ZNF519: variants seen among roughly 807,000 people sequenced by gnomAD.
ZNF519 encodes the protein zinc finger protein 519.
Under a neutral mutation model 7.4 loss-of-function variants are expected in ZNF519, and 7 were observed. That is an observed-to-expected ratio of 0.94 (90% CI 0.54 to 1.77). ZNF519 has a LOEUF of 1.77. Ranked by LOEUF, ZNF519 falls within the 40% of genes most tolerant of loss-of-function variation. The pLI is 0.00. For synonymous variants in ZNF519, 179 were observed against 203.3 expected, an observed-to-expected ratio of 0.88 and a Z score of 1.02; for missense variants, 586 against 623.1, an observed-to-expected ratio of 0.94 and a Z score of 0.63.
intron 3 of ZNF519, among the ~76,000 whole-genome samples, chr18:14,079,067 C>T (rs376022778): frequency 6.6e-6 from 1 of 152,116 alleles, no homozygotes; most frequent in African/African-American, 2.4e-5. Context: ...GGGTTGCCTC[C>T]GACACAGTTG....
At position 14,105,411 on chromosome 18, in the gene ZNF519, T is replaced by C; in HGVS notation, c.1129A>G (p.Arg377Gly). ...QRIHTGEKPFRCKECGKAFNR... is the reference protein window; with the variant it reads ...QRIHTGEKPFGCKECGKAFNR... The stretch of plus-strand genomic sequence containing the variant: ...AAGGCTTTGCCACATTCCTTACATC[T>C]GAAAGGTTTCTCTCCGGTATGGATT... Residue 377 changes from arginine to glycine, a missense_variant, in exon 3 of 3, where the codon AGA becomes GGA. Transcript: ENST00000590202. The C allele has an allele frequency of 6.2e-7, 1 of 1,614,034 alleles. No individual in the cohort carries two copies. The highest frequency in any genetic ancestry group is 8.5e-7 in the Non-Finnish European group (1 of 1,180,000).
intron 2 of ZNF519, among the ~76,000 whole-genome samples, chr18:14,111,670 T>C (rs761723097): frequency 3.1e-4 from 47 of 152,172 alleles, no homozygotes; most frequent in Non-Finnish European, 5.1e-4. Flanking sequence ...ATGCCATAAA[T>C]TGGAAAATCT....
At chr18:14,078,311 A>C (rs1259589267) in intron 3 of ZNF519, 1 of 152,202 alleles carries the variant, frequency 6.6e-6, no homozygotes, top group Non-Finnish European at 1.5e-5. Flanking sequence ...GATACAAAAA[A>C]TTAATAGGGG....
At chr18:14,078,969 G>A (rs1404984557) in intron 3 of ZNF519, among the ~76,000 whole-genome samples, 1 of 152,156 alleles carries the variant, frequency 6.6e-6, no homozygotes, top group Non-Finnish European at 1.5e-5. Context: ...CCAATTAAGA[G>A]GCAGAGCCAA....
intron 3 of ZNF519, among the ~76,000 whole-genome samples, chr18:14,084,034 C>A (rs1159202595): frequency 6.6e-6 from 1 of 152,148 alleles, no homozygotes; most frequent in African/African-American, 2.4e-5. Context: ...AGGCCCATTT[C>A]ACTGGGTCAC....
Position 14,105,009 on chromosome 18 carries a change from T to C in ZNF519, c.1531A>G (p.Thr511Ala), listed in dbSNP as rs1384904059. The C allele has an allele frequency of 1.2e-6, 2 of 1,603,452 alleles. No individual in the cohort carries two copies. Among genetic ancestry groups the C allele is most frequent in the African/African-American group, 1.3e-5 (1 of 74,564 alleles). ...SHLTQHQRIH[T>A]GEKPFKCKEC... is the part of the protein sequence containing the mutation. ...TTACATTTGAAAGGTTTCTCTCCAG[T>C]ATGAATTCTCTGATGTTGAGTAAGG... The change falls in exon 3 of 3, where the codon ACT becomes GCT. Residue 511 changes from threonine to alanine, a missense_variant. Coordinates refer to ENST00000590202, the MANE Select transcript of ZNF519 (RefSeq NM_145287.4).
chr18:14,081,028 G>C (rs2046069042), intron 3 of ZNF519, among the ~76,000 whole-genome samples: 1 of 152,162 alleles, frequency 6.6e-6, no homozygotes, highest in South Asian at 2.1e-4. Context: ...GGAATAAATA[G>C]AGCATGGAGT....
rs143735138 is a variant in ZNF519 at position 14,108,790 on chromosome 18, C to T, written c.131-2381G>A. Among the ~76,000 whole-genome samples the T allele has an allele frequency of 3.0e-4, 45 of 152,100 alleles. 1 individual carries two copies. The highest frequency in any genetic ancestry group is 6.3e-4 in the African/African-American group (26 of 41,494). On this transcript the variant is annotated intron_variant, in intron 2 of 2. Transcript: ENST00000590202. The stretch of plus-strand genomic sequence containing the variant: ...ACAAAACTATAAGAAGAGACAAAGA[C>T]GGTTATCTATATAATGAGGGCTGGG...
intron 2 of ZNF519, among the ~76,000 whole-genome samples, chr18:14,121,151 T>TAGA (rs2046268192): frequency 6.6e-6 from 1 of 151,814 alleles, no homozygotes; most frequent in Admixed American, 6.6e-5. Context: ...AAGCAGAGAG[T>TAGA]AGAAGGGTGG....
chr18:14,117,862 C>T (rs994846507), intron 2 of ZNF519, among the ~76,000 whole-genome samples: 3 of 152,086 alleles, frequency 2.0e-5, no homozygotes, highest in Non-Finnish European at 4.4e-5. Flanking sequence ...GGTGTTAAAC[C>T]ATTCATGAGA....
chr18:14,105,970 A>G lies in ZNF519; in HGVS notation c.570T>C (p.Phe190=). ...YYNCNECEKV[F]YQSSKLIFPE... is the part of the protein sequence containing the mutation. ...GGAAAATAAGCTTTGAGGATTGGTA[A>G]AATACTTTTTCACATTCATTACAAT... The change falls in exon 3 of 3, where the codon TTT becomes TTC. Residue 190 remains phenylalanine (F), a synonymous_variant. Transcript: ENST00000590202. The G allele has an allele frequency of 6.3e-7, 1 of 1,598,608 alleles. No individual in the cohort carries two copies. Among genetic ancestry groups the G allele is most frequent in the Non-Finnish European group, 8.5e-7 (1 of 1,170,842 alleles).
chr18:14,121,831 TATAAG>T (rs1051383288), intron 2 of ZNF519: 5 of 152,090 alleles, frequency 3.3e-5, no homozygotes, highest in Admixed American at 6.6e-5. Flanking sequence ...AAGACAAAAT[TATAAG>T]ATAATAGTTA....
chr18:14,115,129 A>G (rs1248347908), intron 2 of ZNF519, among the ~76,000 whole-genome samples: 1 of 152,216 alleles, frequency 6.6e-6, no homozygotes, highest in Non-Finnish European at 1.5e-5. Flanking sequence ...AGCTTTATCC[A>G]TTCCAAAAGC....
chr18:14,098,927 A>G (rs9956386), downstream of ZNF519, among the ~76,000 whole-genome samples: 76,368 of 151,876 alleles, frequency 0.5, 19,550 homozygotes, highest in Non-Finnish European at 0.52. Context: ...TTCTGCCTCT[A>G]TTGGTCTCCA....
rs1192397819 is a variant in ZNF519, at chr18:14,100,099, A to G, written c.*4818T>C. On this transcript the variant is annotated 3_prime_UTR_variant, in exon 3 of 3. Coordinates refer to ENST00000590202, the MANE Select transcript of ZNF519 (RefSeq NM_145287.4). ...TAATAGGCAGATGTCATATGAGAAC[A>G]TTAAATAAAGTTCAACATTATTATC... The G allele has an allele frequency of 6.6e-6, 1 of 152,206 alleles. No individual in the cohort carries two copies. The highest frequency in any genetic ancestry group is 2.4e-5 in the African/African-American group (1 of 41,456). 9.4% of individuals were successfully genotyped at this position (152,206 alleles called of 1,614,324 possible). A position where few individuals can be genotyped will look rare whatever the true frequency, so the allele number is the denominator to read the frequency against.
exon 5 of ZNF519, chr18:14,077,387 AT>A (rs377354286): frequency 6.6e-6 from 1 of 152,038 alleles, no homozygotes; most frequent in Non-Finnish European, 1.5e-5. Context: ...TACTCGTTTG[AT>A]TTTTTTTGCT....
chr18:14,111,255 G>A (rs1266426930), intron 2 of ZNF519, among the ~76,000 whole-genome samples: 5 of 148,654 alleles, frequency 3.4e-5, no homozygotes, highest in East Asian at 4.0e-4. Context: ...CTGTAATCCC[G>A]GCACTTTAGG....
At chr18:14,082,248 A>T (rs1233187040) in intron 3 of ZNF519, 2 of 152,334 alleles carry the variant, frequency 1.3e-5, no homozygotes, top group East Asian at 3.9e-4. Context: ...TATATCTCAG[A>T]ATAAAATATT....
chr18:14,084,476 C>G (rs1446860498), intron 3 of ZNF519: 1 of 152,150 alleles, frequency 6.6e-6, no homozygotes, highest in East Asian at 1.9e-4. Flanking sequence ...CCTCAGAACA[C>G]CCTCCAGCTG....
Sources: gnomAD v4.1 joint callset for allele counts (sites outside exome capture counted in the v4.1 genomes callset) on GRCh38, gnomAD v4.1.1 for gene constraint, MANE v1.5 for transcripts, NCBI Gene and HGNC (gene_info 2026-07-23, HGNC 2026-07-21) for gene names.